The following HPCAL1 variants were observed in gnomAD, a reference collection of about 807,000 sequenced individuals.
HPCAL1 encodes the protein hippocalcin like 1.
HPCAL1 carries 8 observed loss-of-function variants against 17.1 expected under a neutral mutation model. The observed-to-expected ratio is 0.47, with a 90% confidence interval of 0.27 to 0.84. The LOEUF (loss-of-function observed/expected upper bound fraction) is 0.84. HPCAL1 is among the 40% of genes least tolerant of loss of function. HPCAL1 has a pLI of 0.13. For synonymous variants in HPCAL1, 112 were observed against 111.4 expected, an observed-to-expected ratio of 1.01 and a Z score of -0.03; for missense variants, 165 against 271.1, an observed-to-expected ratio of 0.61 and a Z score of 2.75.
chr2:10,315,258 A>C (rs1160056175), intron 1 of HPCAL1, among the ~76,000 whole-genome samples: 1 of 150,630 alleles, frequency 6.6e-6, no homozygotes, highest in East Asian at 2.0e-4. Context: ...GCGCCACTGC[A>C]CTCCAGCCTG....
At chr2:10,416,879 G>A (rs1358671396) in intron 2 of HPCAL1, among the ~76,000 whole-genome samples, 1 of 152,060 alleles carries the variant, frequency 6.6e-6, no homozygotes, top group Non-Finnish European at 1.5e-5. Context: ...ATGGAGGCAG[G>A]GGGTGCAGGG....
chr2:10,375,417 G>A (rs1181189898), intron 1 of HPCAL1, among the ~76,000 whole-genome samples: 1 of 152,162 alleles, frequency 6.6e-6, no homozygotes, highest in Non-Finnish European at 1.5e-5. Flanking sequence ...CTCAGCTGCG[G>A]AGCAACAGCT....
intron 1 of HPCAL1, among the ~76,000 whole-genome samples, chr2:10,319,643 A>G (rs1387848663): frequency 2.0e-5 from 3 of 151,970 alleles, no homozygotes; most frequent in East Asian, 3.9e-4. Context: ...CCTCTGTTTA[A>G]GCAGAGACCG....
At chr2:10,357,378 C>T (rs1666223525) in intron 1 of HPCAL1, among the ~76,000 whole-genome samples, 1 of 152,208 alleles carries the variant, frequency 6.6e-6, no homozygotes, top group Admixed American at 6.5e-5. Context: ...TGTTATCTTT[C>T]CTCTTCATCT....
chr2:10,349,564 G>A lies in HPCAL1; in HGVS notation c.-111+46387G>A, dbSNP rs190789017. Reference sequence around the variant, plus strand: ...TAAATATACAAAAAATTAGCTGGGCGTGGTGGCGGGCACCTGTAGTCCCAG... The same window carrying A: ...TAAATATACAAAAAATTAGCTGGGCATGGTGGCGGGCACCTGTAGTCCCAG... On this transcript the variant is annotated intron_variant, in intron 1 of 4. Coordinates refer to ENST00000307845, the MANE Select transcript of HPCAL1 (RefSeq NM_002149.4). Among the ~76,000 whole-genome samples, 137 of 151,468 alleles carry A rather than the reference G, an allele frequency of 9.0e-4. 1 individual carries two copies. The highest frequency in any genetic ancestry group is 3.2e-3 in the African/African-American group (130 of 41,242).
intron 3 of HPCAL1, among the ~76,000 whole-genome samples, 175 bp from the exon 4 acceptor site, chr2:10,422,806 CAT>C (rs1179866777): frequency 1.3e-5 from 2 of 152,230 alleles, no homozygotes; most frequent in African/African-American, 4.8e-5. Flanking sequence ...TTGAACTTCA[CAT>C]AGACACCCGT....
chr2:10,326,870 C>T (rs1273185294), intron 1 of HPCAL1, among the ~76,000 whole-genome samples: 3 of 152,162 alleles, frequency 2.0e-5, no homozygotes, highest in East Asian at 3.9e-4. Context: ...CCATGGCAGC[C>T]GCTTGTCCTC....
intron 1 of HPCAL1, among the ~76,000 whole-genome samples, chr2:10,370,687 G>A (rs1369859948): frequency 6.6e-6 from 1 of 152,236 alleles, no homozygotes; most frequent in African/African-American, 2.4e-5. Context: ...GGGCACAGGA[G>A]TCTGCCAGGG....
At chr2:10,399,433 CCACCACCAT>C (rs1669383631) in intron 2 of HPCAL1, among the ~76,000 whole-genome samples, 1 of 75,256 alleles carries the variant, frequency 1.3e-5, no homozygotes, top group African/African-American at 4.2e-5. Context: ...ATCACCACCA[CCACCACCAT>C]CACCATCACC....
At chr2:10,318,205 C>T (rs891093533) in intron 1 of HPCAL1, among the ~76,000 whole-genome samples, 1 of 152,138 alleles carries the variant, frequency 6.6e-6, no homozygotes, top group East Asian at 1.9e-4. Context: ...TTTCTCCTTT[C>T]ATCCAGTTCA....
At chr2:10,372,367 A>G (rs1327767479) in intron 1 of HPCAL1, among the ~76,000 whole-genome samples, 1 of 152,020 alleles carries the variant, frequency 6.6e-6, no homozygotes, top group Non-Finnish European at 1.5e-5. Context: ...ATTACAAAGC[A>G]CCTATTATGT....
In HPCAL1 at chr2:10,306,866, C is replaced by T. The variant is rs1041748723; in HGVS notation, c.-111+3689C>T. Reference sequence around the variant, plus strand: ...GCAAAGCTTCACATCGGAGGCATGACGAACTAAAGAAATCCTTCCCAGAGA... The same window carrying T: ...GCAAAGCTTCACATCGGAGGCATGATGAACTAAAGAAATCCTTCCCAGAGA... On this transcript the variant is annotated intron_variant, in intron 1 of 4. Coordinates refer to ENST00000307845, the MANE Select transcript of HPCAL1 (RefSeq NM_002149.4). Among the ~76,000 whole-genome samples, 7 of 152,272 alleles carry T rather than the reference C, an allele frequency of 4.6e-5. No homozygotes were observed. In the East Asian group the frequency reaches 5.8e-4, roughly 13 times the overall value.
rs1284509588 is a variant in HPCAL1 at position 10,367,731 on chromosome 2, A to G, written c.-110-29104A>G. On this transcript the variant is annotated intron_variant, in intron 1 of 4. Transcript: ENST00000307845. This position sits in a 1 kb window ranked among gnomAD's most constrained non-coding sequence, Gnocchi z 4.4. Reference sequence around the variant, plus strand: ...CATGGAAAGCCTTAGAACTGATGTCAGTGTGAGCCCTGTGCTGGAGTGGAG... The same window carrying G: ...CATGGAAAGCCTTAGAACTGATGTCGGTGTGAGCCCTGTGCTGGAGTGGAG... Among the ~76,000 whole-genome samples the G allele has an allele frequency of 1.3e-5, 2 of 152,178 alleles. No homozygotes were observed. Among genetic ancestry groups the G allele is most frequent in the Non-Finnish European group, 2.9e-5 (2 of 68,028 alleles).
intron 1 of HPCAL1, among the ~76,000 whole-genome samples, chr2:10,346,074 G>A (rs532696317): frequency 6.6e-6 from 1 of 151,324 alleles, no homozygotes; most frequent in Non-Finnish European, 1.5e-5. Context: ...GAGCCAGGCT[G>A]TGTGTGTGTG....
intron 1 of HPCAL1, among the ~76,000 whole-genome samples, chr2:10,309,145 C>T (rs1558446814): frequency 6.6e-6 from 1 of 152,090 alleles, no homozygotes; most frequent in Non-Finnish European, 1.5e-5. Flanking sequence ...AGCAATCCCC[C>T]TGCCATAGTC....
intron 1 of HPCAL1, among the ~76,000 whole-genome samples, chr2:10,349,702 C>CAAAAAAAAAAAA (rs55897775): frequency 1.1e-4 from 6 of 52,730 alleles, no homozygotes; most frequent in African/African-American, 4.9e-4. Flanking sequence ...GACTCTGTCT[C>CAAAAAAAAAAAA]AAAAAAAAAA....
Position 10,420,020 on chromosome 2 carries a change from C to A in HPCAL1, c.263C>A (p.Ala88Glu). The part of the protein sequence containing the change: ...GTIDFREFII[A>E]LSVTSRGKLE... ...ATCGACTTCCGGGAGTTCATCATTGCGCTGAGCGTGACCTCGCGGGGCAAG... is the reference window on the plus strand; with the variant it reads ...ATCGACTTCCGGGAGTTCATCATTGAGCTGAGCGTGACCTCGCGGGGCAAG... The change falls in exon 3 of 5, where the codon GCG becomes GAG. Residue 88 changes from alanine to glutamate, a missense_variant. Ala to Glu is a moderately radical substitution (Grantham distance 107). Transcript: ENST00000307845. 1 of 1,614,022 alleles carries A rather than the reference C, an allele frequency of 6.2e-7. No homozygotes were observed. The highest frequency in any genetic ancestry group is 8.5e-7 in the Non-Finnish European group (1 of 1,180,036).
intron 1 of HPCAL1, among the ~76,000 whole-genome samples, chr2:10,329,017 A>G (rs1664188393): frequency 6.6e-6 from 1 of 151,634 alleles, no homozygotes; most frequent in Non-Finnish European, 1.5e-5. Flanking sequence ...TTTTTTTGAG[A>G]TGGGATCTTG....
rs762766089 is a variant in HPCAL1, at chr2:10,363,969, G to T, written c.-110-32866G>T. Among the ~76,000 whole-genome samples the T allele has an allele frequency of 6.6e-6, 1 of 152,228 alleles. No homozygotes were observed. The highest frequency in any genetic ancestry group is 6.5e-5 in the Admixed American group (1 of 15,284). On this transcript the variant is annotated intron_variant, in intron 1 of 4. Transcript: ENST00000307845. The surrounding 1 kb of genome is among the most constrained non-coding windows in gnomAD (Gnocchi z 4.7). ...GCCTGATGATTCGGGGCGCTTGGCC[G>T]GGTGGTGGGGTGGGACACCCCAGAG... is the stretch of plus-strand genomic sequence containing the variant.
Sources: allele counts gnomAD v4.1 joint callset (sites outside exome capture counted in the v4.1 genomes callset), GRCh38; gene constraint gnomAD v4.1.1; non-coding constraint Gnocchi (gnomAD v3.1); transcripts MANE v1.5; gene names NCBI Gene and HGNC (gene_info 2026-07-23, HGNC 2026-07-21).